The following NCKAP5 variants were observed in gnomAD, a reference collection of about 807,000 sequenced individuals.
The protein encoded by NCKAP5 is NCK associated protein 5.
Under a neutral mutation model 167.0 loss-of-function variants are expected in NCKAP5, and 92 were observed. The observed-to-expected ratio is 0.55, with a 90% CI of 0.47 to 0.66. NCKAP5 has a LOEUF of 0.66. Among genes scored for constraint, NCKAP5 ranks in the 30% least tolerant of loss-of-function variants. The pLI is 0.00. For missense variants in NCKAP5, 2,378 were observed against 2,315.0 expected, an observed-to-expected ratio of 1.03 and a Z score of -0.56; for synonymous variants, 891 against 877.4, an observed-to-expected ratio of 1.02 and a Z score of -0.27.
At chr2:132,780,857 G>C (rs1046901604) in intron 15 of NCKAP5, among the ~76,000 whole-genome samples, 195 bp downstream of exon 15, 3 of 152,196 alleles carry the variant, frequency 2.0e-5, no homozygotes, top group African/African-American at 7.2e-5. Flanking sequence ...AGGCCCACTC[G>C]AGGTCCAGCT....
chr2:133,448,596 AT>A (rs1490460508), intron 3 of NCKAP5, among the ~76,000 whole-genome samples: 2 of 152,220 alleles, frequency 1.3e-5, no homozygotes, highest in East Asian at 3.9e-4. Flanking sequence ...TTCTTAAAGC[AT>A]TTTTCTGCTT....
chr2:133,112,179 A>C (rs980049094), intron 6 of NCKAP5, among the ~76,000 whole-genome samples: 1 of 152,158 alleles, frequency 6.6e-6, no homozygotes, highest in African/African-American at 2.4e-5. Flanking sequence ...TTCATCTTTA[A>C]AATAGGTATG....
intron 4 of NCKAP5, among the ~76,000 whole-genome samples, chr2:133,300,137 T>C (rs1680275293): frequency 8.0e-6 from 1 of 124,892 alleles, no homozygotes; most frequent in Non-Finnish European, 1.6e-5. Flanking sequence ...CAATAATCAA[T>C]AGTTTACCAA....
chr2:133,356,230 A>G (rs958102633), intron 3 of NCKAP5, among the ~76,000 whole-genome samples: 5 of 152,174 alleles, frequency 3.3e-5, no homozygotes, highest in African/African-American at 1.2e-4. Flanking sequence ...CCCAACTAGA[A>G]GCAGTGTTCT....
intron 3 of NCKAP5, among the ~76,000 whole-genome samples, chr2:133,391,574 A>G (rs1687409987): frequency 6.6e-6 from 1 of 152,160 alleles, no homozygotes; most frequent in Admixed American, 6.5e-5. Context: ...GTGGCCCCAC[A>G]GTCCATCTGG....
chr2:132,962,968 T>C (rs769161993), intron 8 of NCKAP5, among the ~76,000 whole-genome samples: 13 of 152,066 alleles, frequency 8.5e-5, no homozygotes, highest in African/African-American at 9.7e-5. Context: ...TTTTAGATGT[T>C]GGGTGAAGGC....
chr2:133,379,141 T>C (rs1490493116), intron 3 of NCKAP5, among the ~76,000 whole-genome samples: 2 of 152,328 alleles, frequency 1.3e-5, no homozygotes, highest in East Asian at 3.9e-4. Context: ...GGTTTACATA[T>C]AACATTAGTT....
chr2:133,487,308 A>G (rs558365059), intron 3 of NCKAP5, among the ~76,000 whole-genome samples: 30 of 152,304 alleles, frequency 2.0e-4, no homozygotes, highest in African/African-American at 7.0e-4. Context: ...GAAACTTAAA[A>G]TAAGCAGGAA....
At chr2:132,846,349 C>T (rs1247823057) in intron 11 of NCKAP5, among the ~76,000 whole-genome samples, 1 of 151,962 alleles carries the variant, frequency 6.6e-6, no homozygotes, top group Admixed American at 6.6e-5. Context: ...GATACAGTCT[C>T]ACTCTGTCAC....
At chr2:132,952,909 C>T (rs1227477984) in intron 8 of NCKAP5, among the ~76,000 whole-genome samples, 2 of 152,206 alleles carry the variant, frequency 1.3e-5, no homozygotes, top group Non-Finnish European at 2.9e-5. Flanking sequence ...TGATGCTCTA[C>T]AGATGGATTG....
At chr2:133,422,656 T>A (rs1689554132) in intron 3 of NCKAP5, among the ~76,000 whole-genome samples, 3 of 152,224 alleles carry the variant, frequency 2.0e-5, no homozygotes, top group African/African-American at 7.2e-5. Flanking sequence ...CTAATCTCTC[T>A]ATGACTTTTC....
chr2:133,263,836 T>G (rs2150379185), intron 4 of NCKAP5, among the ~76,000 whole-genome samples: 1 of 152,282 alleles, frequency 6.6e-6, no homozygotes. Context: ...CACAAACTCT[T>G]TTTTTTATAT....
intron 16 of NCKAP5, among the ~76,000 whole-genome samples, chr2:132,764,961 A>C (rs994904566): frequency 5.3e-5 from 8 of 152,200 alleles, no homozygotes; most frequent in Non-Finnish European, 1.2e-4. Context: ...GAAATGAGAC[A>C]GATAATTATC....
At chr2:132,755,442 A>G (rs1407327141) in intron 16 of NCKAP5, among the ~76,000 whole-genome samples, 2 of 152,190 alleles carry the variant, frequency 1.3e-5, no homozygotes, top group Non-Finnish European at 2.9e-5. Flanking sequence ...CTCATGGTGA[A>G]TTACGGGCAA....
intron 4 of NCKAP5, among the ~76,000 whole-genome samples, chr2:133,275,570 A>G (rs908785711): frequency 2.0e-5 from 3 of 152,240 alleles, no homozygotes; most frequent in East Asian, 1.9e-4. Context: ...CAACTCTTCA[A>G]TGAAAGAGAT....
chr2:133,557,692 T>C (rs1249459231), intron 2 of NCKAP5, among the ~76,000 whole-genome samples: 2 of 152,130 alleles, frequency 1.3e-5, no homozygotes, highest in Middle Eastern at 3.2e-3. Flanking sequence ...TCTGTAGAGG[T>C]TATAATTAGA....
intron 9 of NCKAP5, among the ~76,000 whole-genome samples, chr2:132,871,851 G>A (rs780386861): frequency 2.0e-4 from 30 of 152,130 alleles, no homozygotes; most frequent in Non-Finnish European, 3.8e-4. Context: ...TGTCTATAAC[G>A]ACAGTGTCCG....
chr2:132,823,746 T>G (rs368160331), intron 11 of NCKAP5, among the ~76,000 whole-genome samples: 43 of 152,286 alleles, frequency 2.8e-4, no homozygotes, highest in African/African-American at 6.7e-4. Flanking sequence ...AATGCTCTAC[T>G]TAAAAGATAC....
chr2:133,264,104 C>A (rs1220709051), intron 4 of NCKAP5, among the ~76,000 whole-genome samples: 1 of 152,220 alleles, frequency 6.6e-6, no homozygotes, highest in African/African-American at 2.4e-5. Context: ...GAGTTTCTCT[C>A]CAAGACACCC....
Sources: allele counts gnomAD v4.1 joint callset (sites outside exome capture counted in the v4.1 genomes callset), GRCh38; gene constraint gnomAD v4.1.1; transcripts MANE v1.5; gene names NCBI Gene and HGNC (gene_info 2026-07-23, HGNC 2026-07-21).